NBAS: variants seen among roughly 807,000 people sequenced by gnomAD.
NBAS encodes NBAS subunit of NRZ tethering complex.
A neutral mutation model predicts 302.5 loss-of-function variants in NBAS; 219 were observed. The ratio of observed to expected loss-of-function variants is 0.72; its 90% CI spans 0.65 to 0.81. The LOEUF is 0.81. Ranked by LOEUF, NBAS falls within the 30% of genes least tolerant of loss-of-function variation. The pLI, the probability that NBAS is intolerant of heterozygous loss-of-function variation, is 0.00. For missense variants in NBAS, 2,932 were observed against 2,841.6 expected, an observed-to-expected ratio of 1.03 and a Z score of -0.72; for synonymous variants, 1,118 against 1,021.6, an observed-to-expected ratio of 1.09 and a Z score of -1.80.
the NBAS span, among the ~76,000 whole-genome samples, chr2:15,029,391 C>G: frequency 6.6e-6 from 1 of 152,148 alleles, no homozygotes; most frequent in Admixed American, 6.5e-5. Context: ...TGCCTTCAGG[C>G]TGGTTCACCA....
chr2:15,028,557 C>T, the NBAS span, among the ~76,000 whole-genome samples: 2 of 152,220 alleles, frequency 1.3e-5, no homozygotes, highest in Non-Finnish European at 2.9e-5. Context: ...GGAATAAAAT[C>T]CAAATTCCAT....
In NBAS at chr2:15,308,333, G is replaced by C; in HGVS notation, c.4680C>G (p.Cys1560Trp). The C allele has an allele frequency of 1.2e-6, 2 of 1,614,110 alleles. No individual in the cohort carries two copies. The highest frequency in any genetic ancestry group is 1.7e-6 in the Non-Finnish European group (2 of 1,179,996). Residue 1560 changes from cysteine (C) to tryptophan (W), a missense_variant, in exon 40 of 52, where the codon TGC (cysteine) becomes TGG (tryptophan). Coordinates refer to ENST00000281513, the MANE Select transcript of NBAS (RefSeq NM_015909.4). ...ATGCAGAGGGGGACTGCTTTTCAAA[G>C]CACCGGTTAGCATCTAACACCTAGG... ...ALPQVLDANR[C>W]FEKQSPSALS...
intron 9 of NBAS, among the ~76,000 whole-genome samples, chr2:15,514,166 T>C (rs1354410839): frequency 6.6e-6 from 1 of 152,234 alleles, no homozygotes; most frequent in Non-Finnish European, 1.5e-5. Flanking sequence ...TACTTCAATA[T>C]AATCCAGGGA....
intron 51 of NBAS, among the ~76,000 whole-genome samples, chr2:15,178,748 G>T (rs1318704276): frequency 6.6e-6 from 1 of 152,094 alleles, no homozygotes; most frequent in East Asian, 1.9e-4. Flanking sequence ...TTCTTATTTG[G>T]ATTTGTATTC....
At chr2:15,062,711 G>A in the NBAS span, among the ~76,000 whole-genome samples, 1 of 152,124 alleles carries the variant, frequency 6.6e-6, no homozygotes, top group African/African-American at 2.4e-5. Context: ...CCTAAACTCT[G>A]ATTAACATTC....
intron 47 of NBAS, among the ~76,000 whole-genome samples, chr2:15,220,133 A>AC (rs1666880512): frequency 3.7e-5 from 4 of 107,018 alleles, no homozygotes; most frequent in African/African-American, 7.4e-5. Flanking sequence ...CGGGGGGCTG[A>AC]CCCCCCCACC....
intron 25 of NBAS, among the ~76,000 whole-genome samples, chr2:15,403,634 T>C (rs1229234935): frequency 6.6e-6 from 1 of 152,086 alleles, no homozygotes; most frequent in Non-Finnish European, 1.5e-5. Context: ...TGAGCATCCA[T>C]GGATTTTGGT....
At chr2:15,284,908 C>T (rs1189492144) in intron 42 of NBAS, among the ~76,000 whole-genome samples, 2 of 152,196 alleles carry the variant, frequency 1.3e-5, no homozygotes, top group African/African-American at 4.8e-5. Flanking sequence ...AATCACAGTG[C>T]TACCAGGTAT....
At chr2:14,904,893 C>CA in the NBAS span, among the ~76,000 whole-genome samples, 17 of 130,224 alleles carry the variant, frequency 1.3e-4, no homozygotes, top group East Asian at 1.3e-3. Flanking sequence ...ACTAAAAATA[C>CA]AAAAAATTAG....
At position 15,182,823 on chromosome 2, in the gene NBAS, C is replaced by T. The variant is rs144178412; in HGVS notation, c.6712-3707G>A. ...TGGTAATATTTTCCATCAGGAAAAC[C>T]ATCATGGCCATAAGTAAGCAAGTCC... On this transcript the variant is annotated intron_variant, in intron 50 of 51. Transcript: ENST00000281513. Among the ~76,000 whole-genome samples the T allele has an allele frequency of 1.7e-3, 255 of 152,230 alleles. 3 individuals carry two copies. The highest frequency in any genetic ancestry group is 6.0e-3 in the African/African-American group (248 of 41,530).
chr2:15,496,039 T>C lies in NBAS; in HGVS notation c.955-7017A>G, dbSNP rs143320387. Among the ~76,000 whole-genome samples, 657 of 151,434 alleles carry C rather than the reference T, an allele frequency of 4.3e-3. 7 individuals are homozygous for C. The highest frequency in any genetic ancestry group is 0.015 in the African/African-American group (623 of 41,222). On this transcript the variant is annotated intron_variant, in intron 11 of 51. Coordinates refer to ENST00000281513, the MANE Select transcript of NBAS (RefSeq NM_015909.4). ...ACAACCCAAATGTCCAACTGATGAA[T>C]GGATAAATAAAACACTGTGTGTGTG...
intron 51 of NBAS, among the ~76,000 whole-genome samples, chr2:15,172,334 A>G (rs1240389868): frequency 6.6e-6 from 1 of 152,218 alleles, no homozygotes; most frequent in Non-Finnish European, 1.5e-5. Flanking sequence ...TAGGAGAGTT[A>G]TAACAGCTTC....
At chr2:15,006,190 T>C in the NBAS span, among the ~76,000 whole-genome samples, 1 of 152,108 alleles carries the variant, frequency 6.6e-6, no homozygotes, top group Admixed American at 6.6e-5. Flanking sequence ...CGTATTATAA[T>C]AGAAAAAAAA....
At chr2:15,072,192 T>G in the NBAS span, among the ~76,000 whole-genome samples, 4 of 152,254 alleles carry the variant, frequency 2.6e-5, no homozygotes, top group South Asian at 8.3e-4. Context: ...CTTTTGCCAG[T>G]ATTTTTATAT....
the NBAS span, among the ~76,000 whole-genome samples, chr2:14,947,277 T>TA: frequency 6.6e-6 from 1 of 151,464 alleles, no homozygotes; most frequent in African/African-American, 2.4e-5. Flanking sequence ...TAAACTACAC[T>TA]AGCCAAGAAA....
At chr2:15,193,915 C>CCACAG (rs1665486313) in intron 48 of NBAS, among the ~76,000 whole-genome samples, 1 of 151,890 alleles carries the variant, frequency 6.6e-6, no homozygotes, top group Admixed American at 6.6e-5. Context: ...AGGGAAAATT[C>CCACAG]TGAAGAGTGG....
At chr2:15,077,676 CTTTCTTTTTT>C in the NBAS span, among the ~76,000 whole-genome samples, 2 of 146,818 alleles carry the variant, frequency 1.4e-5, no homozygotes, top group African/African-American at 2.6e-5. Flanking sequence ...TCTTTTCTTT[CTTTCTTTTTT>C]TTTCTTTTTT....
rs566197946 is a variant in NBAS at position 15,218,421 on chromosome 2, A to C, written c.6432+352T>G. 5.9e-5 allele frequency among the ~76,000 whole-genome samples: 9 copies of C among 152,248 alleles called. No homozygotes were observed. The South Asian group carries it at 1.5e-3, about 25-fold the overall frequency. ...AGAAATCAAGAACTGACCTCCAACTATTGTTTTTTTCTTTTTCTTTTGAGA... is the reference window on the plus strand; with the variant it reads ...AGAAATCAAGAACTGACCTCCAACTCTTGTTTTTTTCTTTTTCTTTTGAGA... On this transcript the variant is annotated intron_variant, in intron 48 of 51. Coordinates refer to ENST00000281513, the MANE Select transcript of NBAS (RefSeq NM_015909.4).
the NBAS span, among the ~76,000 whole-genome samples, chr2:14,965,687 T>C: frequency 6.6e-6 from 1 of 152,266 alleles, no homozygotes; most frequent in African/African-American, 2.4e-5. Flanking sequence ...AGTCTAGCAT[T>C]GTCCCTAGAG....
Sources: allele counts gnomAD v4.1 joint callset (sites outside exome capture counted in the v4.1 genomes callset), GRCh38; gene constraint gnomAD v4.1.1; transcripts MANE v1.5; gene names NCBI Gene and HGNC (gene_info 2026-07-23, HGNC 2026-07-21).